INTS6: variants seen among roughly 807,000 people sequenced by gnomAD.
INTS6 encodes DEAD box protein.
INTS6 carries 16 observed loss-of-function variants against 104.9 expected under a neutral mutation model. The observed-to-expected ratio is 0.15, with a 90% CI of 0.10 to 0.23. The LOEUF is 0.23. INTS6 is among the 10% of genes least tolerant of loss of function. The pLI is 1.00. For missense variants in INTS6, 584 were observed against 1,062.8 expected (o/e 0.55, Z 6.26); for synonymous variants, 324 against 358.7 (o/e 0.90, Z 1.09).
chr13:51,390,368 TTAAA>T (rs1201910085), intron 5 of INTS6, among the ~76,000 whole-genome samples: 1 of 151,828 alleles, frequency 6.6e-6, no homozygotes, highest in Non-Finnish European at 1.5e-5. Context: ...ATATATTGAT[TTAAA>T]TAAAATATAT....
intron 4 of INTS6, among the ~76,000 whole-genome samples, chr13:51,406,646 C>A (rs1483629803): frequency 6.6e-6 from 1 of 152,138 alleles, no homozygotes; most frequent in Non-Finnish European, 1.5e-5. Flanking sequence ...CCACCCCCTA[C>A]CTCTAAATAA....
chr13:51,410,780 T>A (rs1010850011), intron 4 of INTS6, among the ~76,000 whole-genome samples: 16 of 152,094 alleles, frequency 1.1e-4, no homozygotes, highest in African/African-American at 3.6e-4. Context: ...TTGAAAAACA[T>A]ATATCTAATA....
the INTS6 span, among the ~76,000 whole-genome samples, chr13:51,345,852 T>A: frequency 6.6e-6 from 1 of 152,186 alleles, no homozygotes; most frequent in Non-Finnish European, 1.5e-5. Flanking sequence ...CTGATTGTCC[T>A]CTAAGAAAAA....
chr13:51,438,795 AGAAAT>A (rs1952741322), intron 3 of INTS6: 1 of 152,226 alleles, frequency 6.6e-6, no homozygotes, highest in Admixed American at 6.5e-5. Context: ...TTCACAACTC[AGAAAT>A]TACCAGAGGA....
chr13:51,368,568 G>A (rs1955738158), intron 16 of INTS6, among the ~76,000 whole-genome samples: 1 of 152,106 alleles, frequency 6.6e-6, no homozygotes, highest in Non-Finnish European at 1.5e-5. Context: ...ACTAAACATA[G>A]TGGTAGGCAC....
At chr13:51,361,206 A>G, downstream of INTS6, 1 of 973,080 alleles carries the variant, frequency 1.0e-6, no homozygotes, top group Non-Finnish European at 1.6e-6. Flanking sequence ...GTACATTTTT[A>G]AAGAATGTGT....
intron 4 of INTS6, among the ~76,000 whole-genome samples, chr13:51,406,019 CT>C (rs1956557537): frequency 6.6e-6 from 1 of 152,110 alleles, no homozygotes; most frequent in Non-Finnish European, 1.5e-5. Flanking sequence ...AGGAATCTTC[CT>C]TTGGCTTTCA....
downstream of INTS6, among the ~76,000 whole-genome samples, chr13:51,357,720 A>C (rs997557204): frequency 4.0e-5 from 6 of 151,896 alleles, no homozygotes; most frequent in Admixed American, 3.3e-4. Context: ...GAGTAATTCC[A>C]GTTTCACTCA....
rs1322691334 is a variant in INTS6 at position 51,386,760 on chromosome 13, T to TA, written c.894+625dup. Among the ~76,000 whole-genome samples, 6 of 151,748 alleles carry TA rather than the reference T, an allele frequency of 4.0e-5. No homozygotes were observed. In the East Asian group the frequency reaches 1.2e-3, roughly 29 times the overall value. On this transcript the variant is annotated intron_variant, in intron 7 of 17. Transcript: ENST00000311234. ...ATATCCCTTAATGCCCTCAGATACT[T>TA]AGAAAAAAAATATGGAAAAAAAGAG...
rs1387088828 is a variant in INTS6, at chr13:51,363,708, G to C, written c.*2044C>G. 1.3e-5 allele frequency: 2 copies of C among 151,568 alleles called. No homozygotes were observed. Among genetic ancestry groups the C allele is most frequent in the African/African-American group, 4.8e-5 (2 of 41,260 alleles). 9.4% of individuals were successfully genotyped at this position (151,568 alleles called of 1,614,324 possible). A position where few individuals can be genotyped will look rare whatever the true frequency, so the allele number is the denominator to read the frequency against. ...TTTTTTTTAAATGAAAAAAGCCTGA[G>C]GGAGATGAGATATTAACCTTTAGTT... On this transcript the variant is annotated 3_prime_UTR_variant, in exon 18 of 18. Transcript: ENST00000311234.
chr13:51,419,638 C>G (rs1048664493), intron 4 of INTS6, among the ~76,000 whole-genome samples: 2 of 152,208 alleles, frequency 1.3e-5, no homozygotes, highest in African/African-American at 2.4e-5. Context: ...ACATCTTACA[C>G]TATGCCATAA....
intron 4 of INTS6, among the ~76,000 whole-genome samples, chr13:51,404,230 C>T (rs573155064): frequency 2.3e-4 from 34 of 150,862 alleles, no homozygotes; most frequent in African/African-American, 8.3e-4. Flanking sequence ...GTCATGATAG[C>T]ACCACTGCAC....
At chr13:51,437,606 T>C (rs959833878) in intron 3 of INTS6, 1 of 152,192 alleles carries the variant, frequency 6.6e-6, no homozygotes, top group Non-Finnish European at 1.5e-5. Flanking sequence ...CAATAAAGCA[T>C]TAAATTTTAA....
intron 4 of INTS6, among the ~76,000 whole-genome samples, chr13:51,398,339 ATAAAGT>A (rs1312087478): frequency 6.6e-6 from 1 of 152,208 alleles, no homozygotes; most frequent in East Asian, 1.9e-4. Context: ...GAAGAAAAAT[ATAAAGT>A]TAGTCACTAG....
rs114283378 is a variant in INTS6, at chr13:51,449,276, G to A, written c.339+1749C>T. ...TTATTGAATTAATAAATCCTGACAT[G>A]CAAAAACATCCCAATCTCCAGGTTC... On this transcript the variant is annotated intron_variant, in intron 3 of 17. Coordinates refer to ENST00000311234, the MANE Select transcript of INTS6 (RefSeq NM_012141.3). The A allele has an allele frequency of 1.3e-3, 207 of 155,972 alleles. 1 individual carries two copies. Among genetic ancestry groups the A allele is most frequent in the African/African-American group, 4.8e-3 (201 of 41,616 alleles). The allele number at this position is 155,972 out of a possible 1,614,324, so 9.7% of individuals were successfully genotyped here. A position where few individuals can be genotyped will look rare whatever the true frequency, so the allele number is the denominator to read the frequency against.
At chr13:51,369,929 TTCCTC>T in intron 15 of INTS6, among the ~76,000 whole-genome samples, 1 of 152,170 alleles carries the variant, frequency 6.6e-6, no homozygotes, top group Admixed American at 6.5e-5. Flanking sequence ...CTCGCAAGCC[TTCCTC>T]TTAACACCAG....
intron 6 of INTS6, among the ~76,000 whole-genome samples, chr13:51,388,581 C>T (rs1331551192): frequency 1.3e-5 from 2 of 151,960 alleles, no homozygotes; most frequent in Middle Eastern, 3.2e-3. Context: ...TTAGTAGACA[C>T]GGAGTTTCTC....
At chr13:51,341,438 C>A in the INTS6 span, 1 of 1,212,068 alleles carries the variant, frequency 8.3e-7, no homozygotes, top group Middle Eastern at 2.6e-4. Context: ...CTCACACTCA[C>A]TCTCTCCAGC....
At chr13:51,447,908 A>G (rs1952953400) in intron 3 of INTS6, 1 of 152,064 alleles carries the variant, frequency 6.6e-6, no homozygotes, top group South Asian at 2.1e-4. Flanking sequence ...AAAATACAAA[A>G]TTAACCAGGC....
Sources: gnomAD v4.1 joint callset for allele counts (sites outside exome capture counted in the v4.1 genomes callset) on GRCh38, gnomAD v4.1.1 for gene constraint, MANE v1.5 for transcripts, NCBI Gene and HGNC (gene_info 2026-07-23, HGNC 2026-07-21) for gene names.